Variants in RSF1 observed in about 807,000 individuals in gnomAD.
The protein encoded by RSF1 is remodeling and spacing factor 1, also known as HBV pX-associated protein 8.
A neutral mutation model predicts 145.2 loss-of-function variants in RSF1; 13 were observed. The observed-to-expected ratio is 0.09, with a 90% CI of 0.06 to 0.14. The LOEUF (loss-of-function observed/expected upper bound fraction) is 0.14. Ranked by LOEUF, RSF1 falls within the 10% of genes least tolerant of loss-of-function variation. The pLI, the probability that RSF1 is intolerant of heterozygous loss-of-function variation, is 1.00. For missense variants in RSF1, 1,517 were observed against 1,718.2 expected, an observed-to-expected ratio of 0.88 and a Z score of 2.07; for synonymous variants, 577 against 592.6, an observed-to-expected ratio of 0.97 and a Z score of 0.38.
At chr11:77,802,046 TTC>T (rs1385272778) in intron 1 of RSF1, among the ~76,000 whole-genome samples, 1 of 152,014 alleles carries the variant, frequency 6.6e-6, no homozygotes, top group Non-Finnish European at 1.5e-5. Flanking sequence ...TTTAGACAGC[TTC>T]TGAGTTGGTG....
upstream of RSF1, chr11:77,821,047 G>A (rs1267241650): frequency 4.1e-6 from 2 of 486,068 alleles, no homozygotes; most frequent in African/African-American, 4.0e-5. Context: ...CGGGCTGGAA[G>A]CGGGAGGGGC....
the RSF1 span, among the ~76,000 whole-genome samples, chr11:77,847,391 A>T: frequency 1.3e-5 from 2 of 152,360 alleles, no homozygotes; most frequent in South Asian, 4.1e-4. Context: ...AGTTATGCCT[A>T]CAAAATTAGG....
the RSF1 span, among the ~76,000 whole-genome samples, chr11:77,830,793 A>G: frequency 6.6e-6 from 1 of 152,056 alleles, no homozygotes; most frequent in Non-Finnish European, 1.5e-5. Context: ...AGCAAATGAA[A>G]AGATACTCAA....
chr11:77,701,181 A>T lies in RSF1; in HGVS notation c.2048T>A (p.Leu683Gln). ...SEFTKVEMDN[L>Q]DNAQTSGIEE... Reference sequence around the variant, plus strand: ...TATGCCAGAGGTCTGGGCATTGTCCAGATTATCCATTTCTACCTTTGTGAA... The same window carrying T: ...TATGCCAGAGGTCTGGGCATTGTCCTGATTATCCATTTCTACCTTTGTGAA... Residue 683 changes from leucine (L) to glutamine (Q), a missense_variant, in exon 6 of 16, where the codon CTG becomes CAG. This residue lies in a region of RSF1 where 579 missense variants were observed against 553.5 expected (regional missense o/e 1.05). Transcript: ENST00000308488. 1 of 1,614,154 alleles carries T rather than the reference A, an allele frequency of 6.2e-7. No individual in the cohort carries two copies.
At position 77,796,101 on chromosome 11, in the gene RSF1, T is replaced by C. The variant is rs1948569816; in HGVS notation, c.187+24427A>G. Among the ~76,000 whole-genome samples the C allele has an allele frequency of 2.6e-5, 4 of 152,326 alleles. No homozygotes were observed. In the South Asian group the frequency reaches 8.3e-4, roughly 32 times the overall value. ...GTGTCTATTTGATTCTTCTCTCTTT[T>C]CTTTTTTATTAGTATTCCAAAAAAT... On this transcript the variant is annotated intron_variant, in intron 1 of 15. Coordinates refer to ENST00000308488, the MANE Select transcript of RSF1 (RefSeq NM_016578.4).
At chr11:77,773,615 T>C (rs1948310501) in intron 1 of RSF1, among the ~76,000 whole-genome samples, 1 of 152,176 alleles carries the variant, frequency 6.6e-6, no homozygotes, top group Admixed American at 6.5e-5. Flanking sequence ...TTCTCTTTAG[T>C]GGTGTGATAA....
At chr11:77,852,334 G>T in the RSF1 span, among the ~76,000 whole-genome samples, 5 of 151,810 alleles carry the variant, frequency 3.3e-5, no homozygotes, top group South Asian at 2.1e-4. Flanking sequence ...ACGGAATTTG[G>T]TTTATTTGTT....
chr11:77,704,111 T>C (rs1476190559), intron 5 of RSF1, among the ~76,000 whole-genome samples: 2 of 152,182 alleles, frequency 1.3e-5, no homozygotes, highest in Admixed American at 6.5e-5. Flanking sequence ...CTGGACAGCA[T>C]GGTGAAACTC....
the RSF1 span, among the ~76,000 whole-genome samples, chr11:77,847,523 C>A: frequency 1.3e-5 from 2 of 151,958 alleles, no homozygotes; most frequent in Admixed American, 6.6e-5. Flanking sequence ...ATGGAATATA[C>A]CTAGATTGGT....
intron 9 of RSF1, among the ~76,000 whole-genome samples, chr11:77,687,565 G>A (rs535368260): frequency 2.4e-4 from 36 of 152,156 alleles, no homozygotes; most frequent in Non-Finnish European, 3.7e-4. Context: ...AAATTAGCCG[G>A]GTGTGGTGGC....
the RSF1 span, among the ~76,000 whole-genome samples, chr11:77,858,194 ATT>A: frequency 0.3 from 38,938 of 130,710 alleles, 6,016 homozygotes; most frequent in African/African-American, 0.45. Context: ...AATATATATA[ATT>A]TTTTTTTTTT....
intron 2 of RSF1, 52 bp downstream of exon 2, chr11:77,764,546 T>C (rs1948206854): frequency 1.0e-6 from 1 of 996,014 alleles, no homozygotes; most frequent in African/African-American, 1.6e-5. Flanking sequence ...TATCAATTTA[T>C]GCTAGAGTAA....
At chr11:77,716,620 G>C (rs1173072698) in intron 5 of RSF1, among the ~76,000 whole-genome samples, 1 of 152,148 alleles carries the variant, frequency 6.6e-6, no homozygotes, top group Non-Finnish European at 1.5e-5. Context: ...GAAGGTGTGG[G>C]GAGATGCTGG....
intron 1 of RSF1, among the ~76,000 whole-genome samples, chr11:77,810,098 T>C (rs1948715978): frequency 6.6e-6 from 1 of 152,214 alleles, no homozygotes; most frequent in African/African-American, 2.4e-5. Context: ...TCTTTCCCAG[T>C]CCTGTGTCCT....
chr11:77,701,512 T>C lies in RSF1; in HGVS notation c.1717A>G (p.Thr573Ala). The C allele has an allele frequency of 2.5e-6, 4 of 1,613,958 alleles. No individual in the cohort carries two copies. Among genetic ancestry groups the C allele is most frequent in the Non-Finnish European group, 3.4e-6 (4 of 1,179,972 alleles). Residue 573 changes from threonine (T) to alanine (A), a missense_variant, in exon 6 of 16, where the codon ACT (threonine) becomes GCT (alanine). Physicochemically the swap from Thr to Ala is moderately conservative, Grantham distance 58. Coordinates refer to ENST00000308488, the MANE Select transcript of RSF1 (RefSeq NM_016578.4). ...ATTGGTGGGCGCTTATCCTTCTTAG[T>C]TTTGGGAGACTTCTCTTCACCTTTC... ...TMKGEEKSPK[T>A]KKDKRPPILE...
the RSF1 span, among the ~76,000 whole-genome samples, chr11:77,864,054 G>A: frequency 6.6e-6 from 1 of 151,628 alleles, no homozygotes; most frequent in African/African-American, 2.4e-5. Flanking sequence ...AGCCTCCTGA[G>A]TAGCTGGGAT....
At chr11:77,821,025 G>A, upstream of RSF1, 1 of 478,736 alleles carries the variant, frequency 2.1e-6, no homozygotes, top group Non-Finnish European at 3.7e-6. Context: ...CAAGGGAAGC[G>A]GGGCGGGGAG....
chr11:77,686,335 G>C (rs1342848888), intron 9 of RSF1, among the ~76,000 whole-genome samples: 2 of 146,042 alleles, frequency 1.4e-5, no homozygotes, highest in Non-Finnish European at 3.0e-5. Flanking sequence ...TTGAACTCAG[G>C]AGTTGGAGGT....
chr11:77,689,983 G>A (rs1362149643), intron 9 of RSF1, among the ~76,000 whole-genome samples: 1 of 152,004 alleles, frequency 6.6e-6, no homozygotes, highest in Non-Finnish European at 1.5e-5. Context: ...CCAGTATGGT[G>A]AAATCCCTTC....
Sources: gnomAD v4.1 joint callset for allele counts (sites outside exome capture counted in the v4.1 genomes callset) on GRCh38, gnomAD v4.1.1 for gene constraint, gnomAD v4.1.1 regional missense constraint, MANE v1.5 for transcripts, NCBI Gene and HGNC (gene_info 2026-07-23, HGNC 2026-07-21) for gene names.